RBM19: variants seen among roughly 807,000 people sequenced by gnomAD.
The protein encoded by RBM19 is RNA binding motif protein 19.
A neutral mutation model predicts 116.8 loss-of-function variants in RBM19; 94 were observed. The ratio of observed to expected loss-of-function variants is 0.80; its 90% CI spans 0.68 to 0.95. The LOEUF (loss-of-function observed/expected upper bound fraction) is 0.95, where lower values mean the gene tolerates loss of function less well. RBM19 is among the 40% of genes least tolerant of loss of function. The pLI is 0.00. For synonymous variants in RBM19, 475 were observed against 494.1 expected, an observed-to-expected ratio of 0.96 and a Z score of 0.51; for missense variants, 1,161 against 1,220.7, an observed-to-expected ratio of 0.95 and a Z score of 0.73.
chr12:113,952,626 A>G, intron 7 of RBM19, 36 bp from the exon 8 acceptor site: 2 of 1,549,952 alleles, frequency 1.3e-6, no homozygotes, highest in Non-Finnish European at 1.8e-6. Context: ...TACCAACCAC[A>G]TAATAAAAGT....
intron 1 of RBM19, among the ~76,000 whole-genome samples, chr12:113,963,039 T>C (rs1872632358): frequency 6.6e-6 from 1 of 151,904 alleles, no homozygotes; most frequent in South Asian, 2.1e-4. Context: ...AAATATGGAG[T>C]ATATAGCTAT....
intron 15 of RBM19, among the ~76,000 whole-genome samples, chr12:113,938,148 A>C (rs951773654): frequency 3.9e-5 from 6 of 152,122 alleles, no homozygotes; most frequent in African/African-American, 1.2e-4. Context: ...GTGTTCTCCA[A>C]CTGTGGCTCA....
intron 22 of RBM19, among the ~76,000 whole-genome samples, 190 bp from the exon 23 acceptor site, chr12:113,844,978 G>A (rs1238326933): frequency 6.6e-6 from 1 of 152,214 alleles, no homozygotes; most frequent in Non-Finnish European, 1.5e-5. Flanking sequence ...TGCATTCCCA[G>A]GGAGAAAGCT....
rs1165756622 is a variant in RBM19, at chr12:113,859,007, T to C, written c.2559-111A>G. On this transcript the variant is annotated intron_variant, in intron 21 of 23. Transcript: ENST00000261741. ...ATCCCTTTGGGTTATAAAAGACAAG[T>C]GCATGCAGGCACACACACGCTCACA... The C allele has an allele frequency of 9.7e-6, 9 of 923,844 alleles. No individual in the cohort carries two copies. In the East Asian group the frequency reaches 2.1e-4, roughly 21 times the overall value. 57.2% of individuals were successfully genotyped at this position (923,844 alleles called of 1,614,324 possible). A position where few individuals can be genotyped will look rare whatever the true frequency, so the allele number is the denominator to read the frequency against.
At chr12:113,875,379 T>G (rs552781986) in intron 21 of RBM19, among the ~76,000 whole-genome samples, 14 of 152,288 alleles carry the variant, frequency 9.2e-5, no homozygotes, top group African/African-American at 3.4e-4. Context: ...AAGAACTCGA[T>G]TCAATTACAA....
intron 21 of RBM19, among the ~76,000 whole-genome samples, chr12:113,889,670 CAACAA>C (rs1221029494): frequency 1.1e-3 from 71 of 64,188 alleles, no homozygotes; most frequent in African/African-American, 6.2e-3. Flanking sequence ...AACAAACAAA[CAACAA>C]AAAAAAAAAC....
chr12:113,907,961 C>T (rs913755035), intron 21 of RBM19, among the ~76,000 whole-genome samples: 7 of 152,152 alleles, frequency 4.6e-5, no homozygotes, highest in African/African-American at 1.7e-4. Flanking sequence ...TGTGATGCCC[C>T]CTGACCTAGG....
In RBM19 at chr12:113,946,394, T is replaced by C; in HGVS notation, c.1489A>G (p.Lys497Glu). ...TTGTCCTGGGCCTCCTTCTTCTTCT[T>C]GTAGGACGACGATCCCAGGGCACTG... ...DASALGSSSY[K>E]KKKEAQDKAN... Residue 497 changes from lysine to glutamate, a missense_variant, in exon 12 of 24, where the codon AAG (lysine) becomes GAG (glutamate). Transcript: ENST00000261741. The C allele has an allele frequency of 6.2e-7, 1 of 1,614,082 alleles. No individual in the cohort carries two copies. The highest frequency in any genetic ancestry group is 8.5e-7 in the Non-Finnish European group (1 of 1,179,992).
intron 21 of RBM19, among the ~76,000 whole-genome samples, chr12:113,880,071 G>A (rs1469951354): frequency 2.0e-5 from 3 of 151,240 alleles, no homozygotes; most frequent in Non-Finnish European, 1.5e-5. Context: ...CGGGGGTGGT[G>A]ATGAAGGCCA....
intron 21 of RBM19, among the ~76,000 whole-genome samples, chr12:113,906,926 G>T (rs1487449963): frequency 6.6e-6 from 1 of 152,110 alleles, no homozygotes. Flanking sequence ...AGAAGGCACA[G>T]AAGGAAGAAC....
chr12:113,948,842 A>C lies in RBM19; in HGVS notation c.1267T>G (p.Ser423Ala). 1.2e-6 allele frequency: 2 copies of C among 1,614,154 alleles called. No homozygotes were observed. The highest frequency in any genetic ancestry group is 1.7e-6 in the Non-Finnish European group (2 of 1,180,022). ...STEEDLEKLF[S>A]KYGPLSELHY... Reference sequence around the variant, plus strand: ...GAGGCCACACCCCTACCATATTTGGAGAAGAGCTTCTCCAGATCCTCCTCG... The same window carrying C: ...GAGGCCACACCCCTACCATATTTGGCGAAGAGCTTCTCCAGATCCTCCTCG... Residue 423 changes from serine (S) to alanine (A), a missense_variant, in exon 10 of 24, where the codon TCC becomes GCC. Physicochemically the swap from Ser to Ala is moderately conservative, Grantham distance 99 (BLOSUM62 1). Transcript: ENST00000261741.
intron 21 of RBM19, among the ~76,000 whole-genome samples, chr12:113,896,396 GT>G: frequency 6.6e-6 from 1 of 152,214 alleles, no homozygotes; most frequent in Non-Finnish European, 1.5e-5. Context: ...CGCCTTAAAG[GT>G]TCAGGCCCAG....
At chr12:113,915,724 T>C (rs2135854942) in intron 20 of RBM19, among the ~76,000 whole-genome samples, 1 of 152,372 alleles carries the variant, frequency 6.6e-6, no homozygotes, top group African/African-American at 2.4e-5. Context: ...ATGGCCGCTC[T>C]GGGCCTCCAT....
At chr12:113,920,125 A>G (rs1335926188) in intron 19 of RBM19, among the ~76,000 whole-genome samples, 6 of 151,922 alleles carry the variant, frequency 3.9e-5, no homozygotes, top group Non-Finnish European at 8.8e-5. Flanking sequence ...CTCCTCCCCA[A>G]CTACCTCCCT....
chr12:113,927,408 CTT>C (rs1869185996), intron 16 of RBM19, 179 bp from the exon 17 acceptor site: 1 of 670,370 alleles, frequency 1.5e-6, no homozygotes, highest in Admixed American at 3.1e-5. Context: ...TTCAGCAACT[CTT>C]GAGACAGAGA....
At chr12:113,820,380 A>C (rs2135670145), downstream of RBM19, among the ~76,000 whole-genome samples, 1 of 152,204 alleles carries the variant, frequency 6.6e-6, no homozygotes. Context: ...CGCAGGAAGA[A>C]TGTGAGGGAA....
At position 113,839,560 on chromosome 12, in the gene RBM19, C is replaced by T. The variant is rs1292237059; in HGVS notation, c.2785+5108G>A. Among the ~76,000 whole-genome samples, 6 of 152,190 alleles carry T rather than the reference C, an allele frequency of 3.9e-5. No individual in the cohort carries two copies. The East Asian group carries it at 5.8e-4, about 15-fold the overall frequency. On this transcript the variant is annotated intron_variant, in intron 23 of 23. Transcript: ENST00000261741. ...CCTTGGGCAAGGTGCTTCATCTCTG[C>T]GTGCCTCAGTTCCCCTATCTGCAGA...
chr12:113,835,726 T>C (rs1286820315), intron 23 of RBM19, among the ~76,000 whole-genome samples: 1 of 152,194 alleles, frequency 6.6e-6, no homozygotes, highest in African/African-American at 2.4e-5. Flanking sequence ...CAACCTGGCT[T>C]GGGCAGGCGG....
chr12:113,830,576 G>GC (rs1491446849), intron 23 of RBM19, among the ~76,000 whole-genome samples: 2 of 58,178 alleles, frequency 3.4e-5, no homozygotes, highest in East Asian at 1.5e-3. Flanking sequence ...GCTGCGGGGC[G>GC]GGGGGGGGGG....
Sources: allele counts gnomAD v4.1 joint callset (sites outside exome capture counted in the v4.1 genomes callset), GRCh38; gene constraint gnomAD v4.1.1; transcripts MANE v1.5; gene names NCBI Gene and HGNC (gene_info 2026-07-23, HGNC 2026-07-21).